The following BMS1 variants were observed in gnomAD, a reference collection of about 807,000 sequenced individuals.
The protein encoded by BMS1 is ribosome biogenesis protein BMS1 homolog.
Under a neutral mutation model 138.7 loss-of-function variants are expected in BMS1, and 53 were observed. The observed-to-expected ratio is 0.38, with a 90% CI of 0.31 to 0.48. The LOEUF (loss-of-function observed/expected upper bound fraction) is 0.48. BMS1 is among the 20% of genes least tolerant of loss of function. The pLI is 0.97. For synonymous variants in BMS1, 504 were observed against 539.9 expected, an observed-to-expected ratio of 0.93 and a Z score of 0.92; for missense variants, 1,360 against 1,565.5, an observed-to-expected ratio of 0.87 and a Z score of 2.22.
In BMS1 at chr10:42,823,633, A is replaced by G. The variant is rs1204095644; in HGVS notation, c.3305A>G (p.Tyr1102Cys). Residue 1102 changes from tyrosine to cysteine, a missense_variant, in exon 21 of 23, where the codon TAT becomes TGT. This residue lies in a region of BMS1 where 425 missense variants were observed against 568.3 expected (regional missense o/e 0.75). Coordinates refer to ENST00000374518, the MANE Select transcript of BMS1 (RefSeq NM_014753.4). Reference protein sequence around the residue: ...MSDIVFMRTWYPVSIPAFYNP... With the variant: ...MSDIVFMRTWCPVSIPAFYNP... Reference sequence around the variant, plus strand: ...GATATTGTCTTCATGCGAACTTGGTATCCTGTTTCCATCCCAGCGTTCTAT... The same window carrying G: ...GATATTGTCTTCATGCGAACTTGGTGTCCTGTTTCCATCCCAGCGTTCTAT... 6.3e-7 allele frequency: 1 copy of G among 1,576,458 alleles called. No individual in the cohort carries two copies. The highest frequency in any genetic ancestry group is 8.5e-7 in the Non-Finnish European group (1 of 1,171,876).
chr10:42,830,138 C>T (rs544260499), intron 21 of BMS1, 123 bp from the exon 22 acceptor site: 19 of 1,110,314 alleles, frequency 1.7e-5, no homozygotes, highest in African/African-American at 3.2e-5. Context: ...TTCTCAGGGC[C>T]GGCAGACTCT....
chr10:42,804,471 A>G (rs962662111), intron 13 of BMS1, among the ~76,000 whole-genome samples: 2 of 152,150 alleles, frequency 1.3e-5, no homozygotes, highest in Admixed American at 1.3e-4. Context: ...AGTTTTAGTG[A>G]CTAATGGTAT....
intron 13 of BMS1, among the ~76,000 whole-genome samples, chr10:42,816,210 A>G (rs1842343166): frequency 6.6e-6 from 1 of 152,078 alleles, no homozygotes; most frequent in African/African-American, 2.4e-5. Context: ...GAGGCAGTAG[A>G]ATTGCTTGAA....
intron 13 of BMS1, among the ~76,000 whole-genome samples, chr10:42,810,892 G>A (rs1277758180): frequency 1.3e-5 from 2 of 152,042 alleles, no homozygotes; most frequent in Non-Finnish European, 2.9e-5. Context: ...TGTTTTATTC[G>A]TGATGTTGTT....
chr10:42,790,418 A>G lies in BMS1; in HGVS notation c.543A>G (p.Gly181=). 6.2e-7 allele frequency: 1 copy of G among 1,613,910 alleles called. No individual in the cohort carries two copies. Among genetic ancestry groups the G allele is most frequent in the Non-Finnish European group, 8.5e-7 (1 of 1,179,832 alleles). Residue 181 remains glycine (G), a synonymous_variant, in exon 5 of 23, where the codon GGA becomes GGG. Transcript: ENST00000374518. Reference sequence around the variant, plus strand: ...TACATGGCTTTCCTAAAATTATGGGAGTTCTCACCCACCTCGACTCCTTCA... The same window carrying G: ...TACATGGCTTTCCTAAAATTATGGGGGTTCTCACCCACCTCGACTCCTTCA... ...CQVHGFPKIM[G]VLTHLDSFKH...
rs897948859 is a variant in BMS1 at position 42,808,163 on chromosome 10, A to G, written c.2329+5945A>G. ...GGGTTGGGTTGGGTACTGTGAGTTC[A>G]TTATATGTTTAACTCCATCGTCGGA... On this transcript the variant is annotated intron_variant, in intron 13 of 22. Transcript: ENST00000374518. 6.6e-5 allele frequency among the ~76,000 whole-genome samples: 10 copies of G among 152,106 alleles called. No homozygotes were observed. The South Asian group carries it at 2.1e-3, about 32-fold the overall frequency.
rs543598244 is a variant in BMS1, at chr10:42,833,726, C to T, written c.*2630C>T. Reference sequence around the variant, plus strand: ...TTTTGCTGTGAGTTTGCATCCATCTCATAGGAAGACATATATCAAAATAAG... The same window carrying T: ...TTTTGCTGTGAGTTTGCATCCATCTTATAGGAAGACATATATCAAAATAAG... On this transcript the variant is annotated 3_prime_UTR_variant, in exon 23 of 23. Transcript: ENST00000374518. 4 of 152,220 alleles carry T rather than the reference C, an allele frequency of 2.6e-5. No homozygotes were observed. The highest frequency in any genetic ancestry group is 9.6e-5 in the African/African-American group (4 of 41,462). 9.4% of individuals were successfully genotyped at this position (152,220 alleles called of 1,614,324 possible).
intron 2 of BMS1, among the ~76,000 whole-genome samples, 161 bp downstream of exon 2, chr10:42,784,731 T>G (rs1254176199): frequency 6.6e-6 from 1 of 152,232 alleles, no homozygotes; most frequent in Non-Finnish European, 1.5e-5. Context: ...GCTTTTCCCA[T>G]AGAAGCTGCC....
intron 13 of BMS1, among the ~76,000 whole-genome samples, chr10:42,815,456 T>G (rs1202760004): frequency 6.6e-6 from 1 of 152,256 alleles, no homozygotes; most frequent in African/African-American, 2.4e-5. Context: ...AAATAGGAGC[T>G]TCCTATCTAT....
At chr10:42,805,542 T>C (rs1311726778) in intron 13 of BMS1, among the ~76,000 whole-genome samples, 3 of 152,220 alleles carry the variant, frequency 2.0e-5, no homozygotes, top group Non-Finnish European at 2.9e-5. Flanking sequence ...GCAATTTTGA[T>C]TGGGATTTCA....
In BMS1 at chr10:42,830,321, G is replaced by C; in HGVS notation, c.3517G>C (p.Ala1173Pro). The C allele has an allele frequency of 1.2e-6, 2 of 1,613,954 alleles. No homozygotes were observed. Among genetic ancestry groups the C allele is most frequent in the Non-Finnish European group, 1.7e-6 (2 of 1,180,002 alleles). The change falls in exon 22 of 23, where the codon GCC becomes CCC. Residue 1173 changes from alanine to proline, a missense_variant. Physicochemically the swap from Ala to Pro is conservative, Grantham distance 27. Around this residue, in one of 3 missense-constraint regions of BMS1, gnomAD observed 425 missense variants for 568.3 expected, o/e 0.75. Coordinates refer to ENST00000374518, the MANE Select transcript of BMS1 (RefSeq NM_014753.4). ...SLHIPKALQK[A>P]LPFKNKPKTQ... ...GCACATTCCAAAAGCCTTGCAGAAG[G>C]CCCTGCCATTTAAGAACAAGCCCAA... is the stretch of plus-strand genomic sequence containing the variant.
rs1302350794 is a variant in BMS1 at position 42,831,098 on chromosome 10, C to A, written c.*2C>A. 3.2e-6 allele frequency: 5 copies of A among 1,557,610 alleles called. No individual in the cohort carries two copies. The highest frequency in any genetic ancestry group is 3.5e-6 in the Non-Finnish European group (4 of 1,150,006). On this transcript the variant is annotated 3_prime_UTR_variant, in exon 23 of 23. Transcript: ENST00000374518. The stretch of plus-strand genomic sequence containing the variant: ...GGGGCTGAGGGCCAATTGCAGTGAG[C>A]CTTTGGACTGGAGGGACTGTCCCTG...
intron 12 of BMS1, among the ~76,000 whole-genome samples, chr10:42,800,324 G>C (rs561530274): frequency 2.7e-4 from 41 of 152,218 alleles, no homozygotes; most frequent in African/African-American, 8.9e-4. Flanking sequence ...CATAAAGACT[G>C]GTTGTGTCCT....
chr10:42,818,989 G>A (rs7922246), intron 15 of BMS1, among the ~76,000 whole-genome samples: 56,508 of 152,048 alleles, frequency 0.37, 11,225 homozygotes, highest in East Asian at 0.63. Flanking sequence ...GTCCTTCAGC[G>A]TGGAGGCCTT....
At chr10:42,819,391 G>A (rs1419136516) in intron 15 of BMS1, among the ~76,000 whole-genome samples, 2 of 152,202 alleles carry the variant, frequency 1.3e-5, no homozygotes, top group Non-Finnish European at 2.9e-5. Flanking sequence ...TGTGATTGAG[G>A]AACTGCATTT....
Position 42,834,278 on chromosome 10 carries a change from TTAAG to T in BMS1, c.*3185_*3188del, listed in dbSNP as rs1411572919. On this transcript the variant is annotated 3_prime_UTR_variant, in exon 23 of 23. Transcript: ENST00000374518. ...TTTTAACAAAACCTGTGAACTTGCTTTAAGTATTATCATTTGGTGACATGCCCGC... is the reference window on the plus strand; with the variant it reads ...TTTTAACAAAACCTGTGAACTTGCTTTATTATCATTTGGTGACATGCCCGC... 2 of 152,134 alleles carry T rather than the reference TTAAG, an allele frequency of 1.3e-5. No individual in the cohort carries two copies. Among genetic ancestry groups the T allele is most frequent in the African/African-American group, 2.4e-5 (1 of 41,414 alleles). The allele number at this position is 152,134 out of a possible 1,614,324, so 9.4% of individuals were successfully genotyped here. A position where few individuals can be genotyped will look rare whatever the true frequency, so the allele number is the denominator to read the frequency against.
At chr10:42,828,286 A>G (rs1338116867) in intron 21 of BMS1, among the ~76,000 whole-genome samples, 1 of 152,240 alleles carries the variant, frequency 6.6e-6, no homozygotes, top group Non-Finnish European at 1.5e-5. Flanking sequence ...TCTATGGCAG[A>G]CATTGATTTA....
intron 21 of BMS1, among the ~76,000 whole-genome samples, chr10:42,826,167 C>T (rs544474971): frequency 6.6e-6 from 1 of 151,222 alleles, no homozygotes; most frequent in African/African-American, 2.4e-5. Flanking sequence ...ATTCTATTTG[C>T]TAAAATTTTT....
At position 42,834,263 on chromosome 10, in the gene BMS1, A is replaced by C. The variant is rs575994375; in HGVS notation, c.*3167A>C. Reference sequence around the variant, plus strand: ...TAGATTGTTTTCTTTTTTTAACAAAACCTGTGAACTTGCTTTAAGTATTAT... The same window carrying C: ...TAGATTGTTTTCTTTTTTTAACAAACCCTGTGAACTTGCTTTAAGTATTAT... On this transcript the variant is annotated 3_prime_UTR_variant, in exon 23 of 23. Transcript: ENST00000374518. 2.0e-5 allele frequency: 3 copies of C among 152,066 alleles called. No individual in the cohort carries two copies. Among genetic ancestry groups the C allele is most frequent in the Admixed American group, 2.0e-4 (3 of 15,268 alleles). The allele number at this position is 152,066 out of a possible 1,614,324, so 9.4% of individuals were successfully genotyped here. A position where few individuals can be genotyped will look rare whatever the true frequency, so the allele number is the denominator to read the frequency against.
Sources: allele counts gnomAD v4.1 joint callset (sites outside exome capture counted in the v4.1 genomes callset), GRCh38; gene constraint gnomAD v4.1.1; regional missense constraint gnomAD v4.1.1; transcripts MANE v1.5; gene names NCBI Gene and HGNC (gene_info 2026-07-23, HGNC 2026-07-21).